WDR41: variants seen among roughly 807,000 people sequenced by gnomAD.
WDR41 encodes WD repeat domain 41.
A neutral mutation model predicts 69.3 loss-of-function variants in WDR41; 63 were observed. The ratio of observed to expected loss-of-function variants is 0.91; its 90% CI spans 0.74 to 1.12. The LOEUF (loss-of-function observed/expected upper bound fraction) is 1.12. Among genes scored for constraint, WDR41 ranks in the 50% most tolerant of loss-of-function variants. The probability of loss-of-function intolerance (pLI) is 0.00; values close to 1 mark genes in which losing one functional copy is unlikely to be tolerated. For missense variants in WDR41, 543 were observed against 534.5 expected (o/e 1.02, Z -0.16); for synonymous variants, 185 against 192.1 (o/e 0.96, Z 0.31).
At chr5:77,436,731 A>G (rs1051322444) in intron 11 of WDR41, among the ~76,000 whole-genome samples, 1 of 152,160 alleles carries the variant, frequency 6.6e-6, no homozygotes, top group Non-Finnish European at 1.5e-5. Context: ...TCAACAAACA[A>G]GGCATAGGGG....
At chr5:77,604,877 T>C (rs774347205) in intron 1 of WDR41, among the ~76,000 whole-genome samples, 1 of 152,008 alleles carries the variant, frequency 6.6e-6, no homozygotes, top group Non-Finnish European at 1.5e-5. Context: ...AAAAGTAGTG[T>C]ACAGAACAGG....
chr5:77,437,570 G>C, intron 10 of WDR41, 146 bp from the exon 11 acceptor site: 2 of 725,208 alleles, frequency 2.8e-6, no homozygotes, highest in East Asian at 2.5e-5. Flanking sequence ...TTAGCATGAC[G>C]TTACAACGCA....
At chr5:77,441,192 G>A (rs1350005375) in intron 8 of WDR41, among the ~76,000 whole-genome samples, 195 bp from the exon 9 acceptor site, 5 of 152,144 alleles carry the variant, frequency 3.3e-5, no homozygotes, top group Non-Finnish European at 7.4e-5. Flanking sequence ...TAGTAATTTA[G>A]TATGTAATAA....
chr5:77,541,674 G>A (rs1743091144), intron 1 of WDR41, among the ~76,000 whole-genome samples: 1 of 152,018 alleles, frequency 6.6e-6, no homozygotes, highest in Non-Finnish European at 1.5e-5. Context: ...TGTATTTTTA[G>A]TAGAGACAAG....
intron 2 of WDR41, among the ~76,000 whole-genome samples, chr5:77,474,646 A>T (rs1166976070): frequency 1.3e-5 from 2 of 152,316 alleles, no homozygotes; most frequent in East Asian, 3.9e-4. Flanking sequence ...GTATTATATT[A>T]ACATGACTCT....
At chr5:77,468,983 C>T (rs1442075983) in intron 2 of WDR41, among the ~76,000 whole-genome samples, 1 of 152,064 alleles carries the variant, frequency 6.6e-6, no homozygotes, top group African/African-American at 2.4e-5. Flanking sequence ...AGTTGTCTCT[C>T]TTCAACCCAA....
chr5:77,447,352 T>A (rs572218333), intron 8 of WDR41, among the ~76,000 whole-genome samples: 2 of 152,316 alleles, frequency 1.3e-5, no homozygotes, highest in Admixed American at 1.3e-4. Context: ...TGGAAGACAG[T>A]ATGGCGATTC....
chr5:77,458,213 T>C (rs1413327362), intron 5 of WDR41, among the ~76,000 whole-genome samples: 1 of 152,174 alleles, frequency 6.6e-6, no homozygotes, highest in Non-Finnish European at 1.5e-5. Context: ...ATATAGTACA[T>C]GGCACTTTCT....
chr5:77,505,192 A>C (rs1459036969), intron 1 of WDR41, among the ~76,000 whole-genome samples: 1 of 152,214 alleles, frequency 6.6e-6, no homozygotes, highest in African/African-American at 2.4e-5. Context: ...CAGGATAAAA[A>C]ATCAATGTGC....
chr5:77,508,299 G>A (rs774122357), intron 1 of WDR41, among the ~76,000 whole-genome samples: 3 of 151,808 alleles, frequency 2.0e-5, no homozygotes, highest in Admixed American at 1.3e-4. Context: ...TTTTTGTAGC[G>A]ACAGGGTTTC....
At chr5:77,532,821 AATG>A (rs1742882418) in intron 1 of WDR41, among the ~76,000 whole-genome samples, 4 of 152,128 alleles carry the variant, frequency 2.6e-5, no homozygotes, top group African/African-American at 7.2e-5. Context: ...AAAGCAAGGA[AATG>A]ATTACCATAA....
intron 1 of WDR41, among the ~76,000 whole-genome samples, chr5:77,523,730 C>A (rs889829361): frequency 2.6e-5 from 4 of 152,044 alleles, no homozygotes; most frequent in African/African-American, 7.3e-5. Context: ...ACACCCATAA[C>A]CATGCCGAAA....
At chr5:77,437,923 G>A (rs1277548584) in intron 10 of WDR41, among the ~76,000 whole-genome samples, 1 of 152,154 alleles carries the variant, frequency 6.6e-6, no homozygotes, top group Non-Finnish European at 1.5e-5. Context: ...AAGAAGGTAG[G>A]TTTATGAGAA....
At chr5:77,508,357 A>G (rs1802145533) in intron 1 of WDR41, among the ~76,000 whole-genome samples, 1 of 152,074 alleles carries the variant, frequency 6.6e-6, no homozygotes, top group African/African-American at 2.4e-5. Flanking sequence ...CAAGTGATTG[A>G]CCTGCCTGGT....
chr5:77,536,714 A>C (rs1320797507), intron 1 of WDR41, among the ~76,000 whole-genome samples: 1 of 152,160 alleles, frequency 6.6e-6, no homozygotes, highest in African/African-American at 2.4e-5. Flanking sequence ...CAGAAGAGTC[A>C]CTTGCTGTAC....
At chr5:77,506,222 G>A (rs1409059059) in intron 1 of WDR41, among the ~76,000 whole-genome samples, 1 of 152,162 alleles carries the variant, frequency 6.6e-6, no homozygotes, top group Non-Finnish European at 1.5e-5. Flanking sequence ...CAAAAAGTGG[G>A]CAAAGGATAT....
chr5:77,544,378 G>A (rs1184148606), intron 1 of WDR41, among the ~76,000 whole-genome samples: 6 of 152,022 alleles, frequency 3.9e-5, no homozygotes, highest in Admixed American at 1.3e-4. Context: ...ATACAGAATC[G>A]TGAAATGGAT....
At chr5:77,605,059 T>C (rs922051743) in intron 1 of WDR41, among the ~76,000 whole-genome samples, 7 of 152,212 alleles carry the variant, frequency 4.6e-5, no homozygotes, top group African/African-American at 1.7e-4. Flanking sequence ...CTTTCTACTA[T>C]AGACTCTTTT....
At chr5:77,475,640 C>G (rs201667795) in intron 2 of WDR41, among the ~76,000 whole-genome samples, 9 of 152,106 alleles carry the variant, frequency 5.9e-5, no homozygotes, top group African/African-American at 1.7e-4. Flanking sequence ...CTAACAAACA[C>G]AAAGGACATC....
Sources: gnomAD v4.1 joint callset for allele counts (sites outside exome capture counted in the v4.1 genomes callset) on GRCh38, gnomAD v4.1.1 for gene constraint, MANE v1.5 for transcripts, NCBI Gene and HGNC (gene_info 2026-07-23, HGNC 2026-07-21) for gene names.